Variants in DCAF12 observed in about 807,000 individuals in gnomAD.
DCAF12 encodes DDB1 and CUL4 associated factor 12.
DCAF12 carries 28 observed loss-of-function variants against 52.8 expected under a neutral mutation model. The ratio of observed to expected loss-of-function variants is 0.53; its 90% CI spans 0.39 to 0.73. DCAF12 has a LOEUF of 0.73. Among genes scored for constraint, DCAF12 ranks in the 30% least tolerant of loss-of-function variants. DCAF12 has a pLI of 0.00. For synonymous variants in DCAF12, 196 were observed against 215.5 expected (o/e 0.91, Z 0.79); for missense variants, 425 against 552.2 (o/e 0.77, Z 2.31).
chr9:34,124,912 A>C, intron 2 of DCAF12, 111 bp downstream of exon 2: 1 of 1,366,200 alleles, frequency 7.3e-7, no homozygotes, highest in South Asian at 1.4e-5. Context: ...AAGGAGAGTA[A>C]GGCAAGTCCC....
At chr9:34,088,634 C>A in intron 8 of DCAF12, 126 bp from the exon 9 acceptor site, 6 of 1,046,236 alleles carry the variant, frequency 5.7e-6, no homozygotes, top group Non-Finnish European at 8.5e-6. Context: ...AACCTCATGT[C>A]AGGAGATTGG....
At chr9:34,100,265 C>A (rs1301296445) in intron 4 of DCAF12, among the ~76,000 whole-genome samples, 1 of 144,098 alleles carries the variant, frequency 6.9e-6, no homozygotes, top group Admixed American at 7.3e-5. Context: ...GTGGTGCGAT[C>A]TTGGCTCACT....
intron 1 of DCAF12, chr9:34,125,811 C>T: frequency 3.4e-6 from 1 of 298,074 alleles, no homozygotes. Flanking sequence ...AGTAGGCCCC[C>T]GGGAAATCAG....
At chr9:34,101,063 A>AAT (rs1332585402) in intron 4 of DCAF12, among the ~76,000 whole-genome samples, 1 of 75,872 alleles carries the variant, frequency 1.3e-5, no homozygotes, top group Non-Finnish European at 2.4e-5. Flanking sequence ...ACCCTCCCCA[A>AAT]CTTTTTTTTT....
chr9:34,117,270 T>C (rs1409244257), intron 2 of DCAF12, among the ~76,000 whole-genome samples: 1 of 149,664 alleles, frequency 6.7e-6, no homozygotes. Flanking sequence ...TTTTTTTTTT[T>C]GAGATGGAGC....
chr9:34,099,999 T>C (rs754805113), intron 4 of DCAF12, among the ~76,000 whole-genome samples: 1 of 152,018 alleles, frequency 6.6e-6, no homozygotes, highest in Non-Finnish European at 1.5e-5. Context: ...AGAGCAGTGG[T>C]ACTTAACCTT....
rs1828562785 is a variant in DCAF12, at chr9:34,086,764, C to T, written c.*1586G>A. The stretch of plus-strand genomic sequence containing the variant: ...TTAGGGTGGACTTGCTGTCTCTCCT[C>T]TCCAGTAGCCCCCCACCATTAAAAG... On this transcript the variant is annotated 3_prime_UTR_variant, in exon 9 of 9. Transcript: ENST00000361264. The T allele has an allele frequency of 1.3e-5, 2 of 152,172 alleles. No homozygotes were observed. Among genetic ancestry groups the T allele is most frequent in the African/African-American group, 4.8e-5 (2 of 41,460 alleles). The allele number at this position is 152,172 out of a possible 1,614,324, so 9.4% of individuals were successfully genotyped here. A position where few individuals can be genotyped will look rare whatever the true frequency, so the allele number is the denominator to read the frequency against.
Position 34,093,293 on chromosome 9 carries a change from T to C in DCAF12, c.1017A>G (p.Arg339=). ...YNVKSVCSRE[R]GSGIRSVSFY... is the part of the protein sequence containing the mutation. ...GCACACAGGGACTCTTACCACTGCCTCGCTCCCTGGAACAGACAGACTTGA... is the reference window on the plus strand; with the variant it reads ...GCACACAGGGACTCTTACCACTGCCCCGCTCCCTGGAACAGACAGACTTGA... Residue 339 remains arginine (R), a synonymous_variant, in exon 7 of 9, where the codon CGA becomes CGG. Transcript: ENST00000361264. 1 of 1,614,190 alleles carries C rather than the reference T, an allele frequency of 6.2e-7. No individual in the cohort carries two copies. Among genetic ancestry groups the C allele is most frequent in the East Asian group, 2.2e-5 (1 of 44,892 alleles).
At chr9:34,112,462 C>T (rs915857596) in intron 2 of DCAF12, among the ~76,000 whole-genome samples, 10 of 151,514 alleles carry the variant, frequency 6.6e-5, no homozygotes, top group African/African-American at 2.2e-4. Flanking sequence ...GGTGTGGTGG[C>T]GTGAGTCTGT....
At chr9:34,114,310 C>A (rs561010862) in intron 2 of DCAF12, among the ~76,000 whole-genome samples, 4 of 152,094 alleles carry the variant, frequency 2.6e-5, no homozygotes, top group Non-Finnish European at 5.9e-5. Flanking sequence ...CACCTGTAAT[C>A]CCAGTACTTT....
intron 6 of DCAF12, among the ~76,000 whole-genome samples, chr9:34,095,053 T>C (rs1364889011): frequency 6.6e-6 from 1 of 151,124 alleles, no homozygotes; most frequent in Non-Finnish European, 1.5e-5. Context: ...GGCATTGTGT[T>C]GGTGCTCAAA....
chr9:34,126,662 G>C lies in DCAF12; in HGVS notation c.-231C>G. 1 of 577,168 alleles carries C rather than the reference G, an allele frequency of 1.7e-6. No homozygotes were observed. Among genetic ancestry groups the C allele is most frequent in the Non-Finnish European group, 3.0e-6 (1 of 331,482 alleles). 35.8% of individuals were successfully genotyped at this position (577,168 alleles called of 1,614,324 possible). A position where few individuals can be genotyped will look rare whatever the true frequency, so the allele number is the denominator to read the frequency against. The stretch of plus-strand genomic sequence containing the variant: ...GGGAAGCGAGAATGAGCGGCTTTCC[G>C]ACGGCAGAGCCTGCAAGGACGGCGA... On this transcript the variant is annotated 5_prime_UTR_variant, in exon 1 of 9. Transcript: ENST00000361264.
intron 2 of DCAF12, among the ~76,000 whole-genome samples, chr9:34,119,971 T>C (rs1461164899): frequency 6.6e-6 from 1 of 151,800 alleles, no homozygotes; most frequent in Non-Finnish European, 1.5e-5. Context: ...CTTCCCAAAG[T>C]GCTGGATTAC....
At chr9:34,101,041 C>A (rs1158910850) in intron 4 of DCAF12, among the ~76,000 whole-genome samples, 2 of 148,328 alleles carry the variant, frequency 1.3e-5, no homozygotes, top group Non-Finnish European at 3.0e-5. Flanking sequence ...CATGAACCCA[C>A]AGGGACCACA....
In DCAF12 at chr9:34,086,592, G is replaced by A. The variant is rs1268039017; in HGVS notation, c.*1758C>T. ...TTCTGTGAGAACTAAGAAATCTACA[G>A]CCTGTAGTTTAATAATAGAAAAAAA... On this transcript the variant is annotated 3_prime_UTR_variant, in exon 9 of 9. Coordinates refer to ENST00000361264, the MANE Select transcript of DCAF12 (RefSeq NM_015397.4). The A allele has an allele frequency of 6.6e-6, 1 of 151,870 alleles. No individual in the cohort carries two copies. Among genetic ancestry groups the A allele is most frequent in the Non-Finnish European group, 1.5e-5 (1 of 67,998 alleles). The allele number at this position is 151,870 out of a possible 1,614,324, so 9.4% of individuals were successfully genotyped here.
In DCAF12 at chr9:34,108,573, C is replaced by T. The variant is rs369665351; in HGVS notation, c.334-1008G>A. The stretch of plus-strand genomic sequence containing the variant: ...TTAGGAGGCCAAGGCGGGCGGATCA[C>T]CAGAGCTTGAGAGTTCGAGATCAGC... On this transcript the variant is annotated intron_variant, in intron 2 of 8. Coordinates refer to ENST00000361264, the MANE Select transcript of DCAF12 (RefSeq NM_015397.4). Among the ~76,000 whole-genome samples, 153 of 152,174 alleles carry T rather than the reference C, an allele frequency of 1.0e-3. 2 individuals carry two copies. In the Middle Eastern group the frequency reaches 0.034, roughly 34 times the overall value.
intron 2 of DCAF12, 40 bp downstream of exon 2, chr9:34,124,983 C>A: frequency 6.2e-7 from 1 of 1,604,634 alleles, no homozygotes. Context: ...GCAATATATC[C>A]ACGACCTAGG....
intron 2 of DCAF12, among the ~76,000 whole-genome samples, chr9:34,115,650 T>A (rs141918518): frequency 1.0e-3 from 157 of 151,148 alleles, no homozygotes; most frequent in African/African-American, 2.7e-3. Context: ...GTCTCTGCAG[T>A]CTCCCCATAG....
At chr9:34,124,913 G>C in intron 2 of DCAF12, 110 bp downstream of exon 2, 1 of 1,382,212 alleles carries the variant, frequency 7.2e-7, no homozygotes. Context: ...AGGAGAGTAA[G>C]GCAAGTCCCT....
Sources: allele counts gnomAD v4.1 joint callset (sites outside exome capture counted in the v4.1 genomes callset), GRCh38; gene constraint gnomAD v4.1.1; transcripts MANE v1.5; gene names NCBI Gene and HGNC (gene_info 2026-07-23, HGNC 2026-07-21).